The following RGS17 variants were observed in gnomAD, a reference collection of about 807,000 sequenced individuals.
RGS17 encodes regulator of G protein signaling 17.
In RGS17, 12 loss-of-function variants were observed where a neutral mutation model predicts 25.5. The observed-to-expected ratio is 0.47, with a 90% CI of 0.30 to 0.76. The LOEUF (loss-of-function observed/expected upper bound fraction) is 0.76, where lower values mean the gene tolerates loss of function less well. RGS17 is among the 30% of genes least tolerant of loss of function. The probability of loss-of-function intolerance (pLI) is 0.07; values close to 1 mark genes in which losing one functional copy is unlikely to be tolerated. For missense variants in RGS17, 196 were observed against 242.2 expected (o/e 0.81, Z 1.27); for synonymous variants, 71 against 76.9 (o/e 0.92, Z 0.40).
In RGS17 at chr6:153,008,202, G is replaced by A. The variant is rs1779096286; in HGVS notation, c.*3372C>T. On this transcript the variant is annotated 3_prime_UTR_variant, in exon 5 of 5. Transcript: ENST00000206262. ...TCCTTTGGCAAAACTGAACTATCAGGTAGATAAACAACACGTATTTCATTC... is the reference window on the plus strand; with the variant it reads ...TCCTTTGGCAAAACTGAACTATCAGATAGATAAACAACACGTATTTCATTC... 2 of 152,058 alleles carry A rather than the reference G, an allele frequency of 1.3e-5. No individual in the cohort carries two copies. The highest frequency in any genetic ancestry group is 6.5e-5 in the Admixed American group (1 of 15,282). The allele number at this position is 152,058 out of a possible 1,614,324, so 9.4% of individuals were successfully genotyped here. A position where few individuals can be genotyped will look rare whatever the true frequency, so the allele number is the denominator to read the frequency against.
intron 1 of RGS17, among the ~76,000 whole-genome samples, chr6:153,113,599 C>T (rs754402982): frequency 3.3e-5 from 5 of 152,198 alleles, no homozygotes; most frequent in Admixed American, 6.5e-5. Flanking sequence ...ATCTACAGAA[C>T]TCTCCACCCC....
intron 1 of RGS17, among the ~76,000 whole-genome samples, chr6:153,054,112 A>G (rs1325684082): frequency 5.8e-5 from 4 of 68,546 alleles, no homozygotes; most frequent in Non-Finnish European, 7.8e-5. Context: ...ATATATATAT[A>G]TGTGTATATA....
At chr6:153,080,569 A>G (rs1776960960) in intron 1 of RGS17, among the ~76,000 whole-genome samples, 4 of 152,028 alleles carry the variant, frequency 2.6e-5, no homozygotes, top group Admixed American at 2.0e-4. Context: ...TCAATATTGT[A>G]TTAATTTTAT....
chr6:153,089,319 T>C (rs996935216), intron 1 of RGS17, among the ~76,000 whole-genome samples: 1 of 152,020 alleles, frequency 6.6e-6, no homozygotes, highest in Non-Finnish European at 1.5e-5. Flanking sequence ...AGAATCCAAT[T>C]AATAAAAAAC....
At chr6:153,030,088 A>C (rs1779345263) in intron 2 of RGS17, among the ~76,000 whole-genome samples, 1 of 152,250 alleles carries the variant, frequency 6.6e-6, no homozygotes, top group Non-Finnish European at 1.5e-5. Context: ...TACTAAAATA[A>C]GCATTTAAAA....
At chr6:153,033,337 C>A (rs1326481097) in intron 2 of RGS17, among the ~76,000 whole-genome samples, 2 of 152,110 alleles carry the variant, frequency 1.3e-5, no homozygotes, top group Admixed American at 6.5e-5. Context: ...AGTTAGATGA[C>A]CAAAGCTTCT....
At chr6:153,063,966 A>AG (rs71017576) in intron 1 of RGS17, among the ~76,000 whole-genome samples, 10 of 151,826 alleles carry the variant, frequency 6.6e-5, no homozygotes, top group African/African-American at 2.2e-4. Context: ...GGAAAAAAAA[A>AG]CTTTTACCCT....
At chr6:153,042,541 G>C (rs1448787562) in intron 2 of RGS17, among the ~76,000 whole-genome samples, 1 of 152,158 alleles carries the variant, frequency 6.6e-6, no homozygotes, top group African/African-American at 2.4e-5. Context: ...CAGCCCTGTG[G>C]AACTGTGAGT....
intron 1 of RGS17, among the ~76,000 whole-genome samples, chr6:153,051,009 A>G (rs989331242): frequency 6.6e-6 from 1 of 152,236 alleles, no homozygotes; most frequent in Non-Finnish European, 1.5e-5. Context: ...ATGTGAGGAC[A>G]CGGAAAGAAG....
intron 4 of RGS17, among the ~76,000 whole-genome samples, chr6:153,023,212 A>G (rs929103613): frequency 3.9e-5 from 6 of 152,200 alleles, no homozygotes; most frequent in Admixed American, 6.5e-5. Flanking sequence ...AAGGAGTGTA[A>G]GGCAGCCTGG....
intron 1 of RGS17, among the ~76,000 whole-genome samples, chr6:153,072,885 T>G (rs2129117550): frequency 6.6e-6 from 1 of 152,348 alleles, no homozygotes; most frequent in Middle Eastern, 3.4e-3. Flanking sequence ...ACACATAAAC[T>G]TACAGTATTT....
chr6:153,054,451 A>G (rs1438396167), intron 1 of RGS17, among the ~76,000 whole-genome samples: 1 of 151,578 alleles, frequency 6.6e-6, no homozygotes, highest in African/African-American at 2.4e-5. Flanking sequence ...GGAGTTCAAG[A>G]CCAGCCTGAC....
chr6:153,097,400 G>A (rs1440728700), intron 1 of RGS17, among the ~76,000 whole-genome samples: 1 of 143,384 alleles, frequency 7.0e-6, no homozygotes, highest in African/African-American at 2.6e-5. Flanking sequence ...CTAGGCTCAA[G>A]CAATTCTCCT....
At chr6:153,048,926 TTC>T (rs1776420925) in intron 1 of RGS17, among the ~76,000 whole-genome samples, 1 of 152,222 alleles carries the variant, frequency 6.6e-6, no homozygotes, top group South Asian at 2.1e-4. Context: ...GTCTGTTTTG[TTC>T]ATTGTTGTAA....
chr6:153,053,023 T>G (rs983479744), intron 1 of RGS17, among the ~76,000 whole-genome samples: 11 of 126,628 alleles, frequency 8.7e-5, no homozygotes, highest in African/African-American at 3.6e-4. Context: ...GGCACCTTGA[T>G]CTCAGACTTC....
chr6:153,023,173 A>G (rs1779263625), intron 4 of RGS17, among the ~76,000 whole-genome samples: 1 of 152,202 alleles, frequency 6.6e-6, no homozygotes. Context: ...AATAAAATAG[A>G]CACTAATTCC....
chr6:153,027,660 G>A (rs1450050292), intron 2 of RGS17, among the ~76,000 whole-genome samples: 1 of 152,112 alleles, frequency 6.6e-6, no homozygotes, highest in Non-Finnish European at 1.5e-5. Flanking sequence ...TTTTACAGAT[G>A]AGCAAAGTGA....
intron 2 of RGS17, among the ~76,000 whole-genome samples, chr6:153,038,395 T>C (rs1458406554): frequency 1.3e-5 from 2 of 152,208 alleles, no homozygotes; most frequent in African/African-American, 2.4e-5. Context: ...TTGATATAAC[T>C]GATAAAAACA....
chr6:153,067,791 G>GCTTCA (rs1776731242), intron 1 of RGS17, among the ~76,000 whole-genome samples: 1 of 152,136 alleles, frequency 6.6e-6, no homozygotes. Flanking sequence ...ACATTTCTCA[G>GCTTCA]AGAAATAGTA....
Sources: gnomAD v4.1 joint callset for allele counts (sites outside exome capture counted in the v4.1 genomes callset) on GRCh38, gnomAD v4.1.1 for gene constraint, MANE v1.5 for transcripts, NCBI Gene and HGNC (gene_info 2026-07-23, HGNC 2026-07-21) for gene names.